The following UBR2 variants were observed in gnomAD, a reference collection of about 807,000 sequenced individuals.
UBR2 encodes the protein ubiquitin protein ligase E3 component n-recognin 2.
A neutral mutation model predicts 247.9 loss-of-function variants in UBR2; 92 were observed. That is an observed-to-expected ratio of 0.37 (90% confidence interval 0.31 to 0.44). The LOEUF (loss-of-function observed/expected upper bound fraction) is 0.44. Among genes scored for constraint, UBR2 ranks in the 20% least tolerant of loss-of-function variants. The pLI, the probability that UBR2 is intolerant of heterozygous loss-of-function variation, is 1.00. For missense variants in UBR2, 1,613 were observed against 2,112.6 expected, an observed-to-expected ratio of 0.76 and a Z score of 4.64; for synonymous variants, 672 against 693.5, an observed-to-expected ratio of 0.97 and a Z score of 0.49.
At chr6:42,573,338 A>G (rs980904054) in intron 1 of UBR2, among the ~76,000 whole-genome samples, 44 of 152,306 alleles carry the variant, frequency 2.9e-4, no homozygotes, top group African/African-American at 8.7e-4. Context: ...CACTCTTCCT[A>G]TGGACAAACT....
chr6:42,580,473 G>T (rs1016032430), intron 2 of UBR2, among the ~76,000 whole-genome samples: 1 of 152,098 alleles, frequency 6.6e-6, no homozygotes, highest in Non-Finnish European at 1.5e-5. Context: ...TTATCTCTTG[G>T]CCCCTCTGTG....
At position 42,606,760 on chromosome 6, in the gene UBR2, A is replaced by G. The variant is rs891119641; in HGVS notation, c.864+109A>G. Reference sequence around the variant, plus strand: ...CTGCTTTCTCAAATGAAAACCAAAAATTATGTTTAAAGATAATGTTTCTTA... The same window carrying G: ...CTGCTTTCTCAAATGAAAACCAAAAGTTATGTTTAAAGATAATGTTTCTTA... On this transcript the variant is annotated intron_variant, in intron 7 of 46. Transcript: ENST00000372901. The G allele has an allele frequency of 2.3e-5, 20 of 858,164 alleles. 1 individual carries two copies. Among genetic ancestry groups the G allele is most frequent in the Admixed American group, 9.0e-5 (3 of 33,244 alleles). 53.2% of individuals were successfully genotyped at this position (858,164 alleles called of 1,614,324 possible).
chr6:42,572,063 TA>T (rs1791182580), intron 1 of UBR2, among the ~76,000 whole-genome samples: 1 of 152,158 alleles, frequency 6.6e-6, no homozygotes, highest in Non-Finnish European at 1.5e-5. Context: ...TTTTTATTTT[TA>T]TTTTTTTTTC....
At chr6:42,632,962 T>TCTC in intron 13 of UBR2, 58 bp downstream of exon 13, 3 of 1,121,396 alleles carry the variant, frequency 2.7e-6, no homozygotes, top group Non-Finnish European at 3.6e-6. Flanking sequence ...TTTTCTCTTT[T>TCTC]TTTTTTTTTT....
At chr6:42,564,736 G>A (rs373584881) in intron 1 of UBR2, among the ~76,000 whole-genome samples, 55 of 152,120 alleles carry the variant, frequency 3.6e-4, no homozygotes, top group African/African-American at 1.1e-3. Context: ...CTTGGAAGAG[G>A]AGAAGAGACG....
At chr6:42,629,857 C>G (rs1795591536) in intron 11 of UBR2, among the ~76,000 whole-genome samples, 2 of 152,004 alleles carry the variant, frequency 1.3e-5, no homozygotes, top group South Asian at 4.1e-4. Flanking sequence ...ATATGTGCTT[C>G]TTTTGTTATC....
Position 42,671,631 on chromosome 6 carries a change from T to A in UBR2, c.4086+916T>A, listed in dbSNP as rs562949411. On this transcript the variant is annotated intron_variant, in intron 36 of 46. Coordinates refer to ENST00000372901, the MANE Select transcript of UBR2 (RefSeq NM_001363705.2). ...TTTGAAACCTCTACTTAATTGCTCATTCTGAAACTTTTATTTCTCTCCATT... is the reference window on the plus strand; with the variant it reads ...TTTGAAACCTCTACTTAATTGCTCAATCTGAAACTTTTATTTCTCTCCATT... Among the ~76,000 whole-genome samples the A allele has an allele frequency of 5.9e-5, 9 of 152,312 alleles. No individual in the cohort carries two copies. The East Asian group carries it at 1.7e-3, about 29-fold the overall frequency.
chr6:42,658,644 A>G lies in UBR2; in HGVS notation c.3064-2A>G. On this transcript the variant is annotated splice_acceptor_variant, in intron 28 of 46. Transcript: ENST00000372901. LOFTEE classifies it high-confidence loss of function. ...GTCTAATTGAATGGAGCATAATTTCAGAGTTCAAGGGACAAAGACAAAGCT... is the reference window on the plus strand; with the variant it reads ...GTCTAATTGAATGGAGCATAATTTCGGAGTTCAAGGGACAAAGACAAAGCT... 1.3e-6 allele frequency: 2 copies of G among 1,592,498 alleles called. No homozygotes were observed. The highest frequency in any genetic ancestry group is 1.7e-6 in the Non-Finnish European group (2 of 1,173,818).
At chr6:42,618,175 T>G (rs1040898106) in intron 11 of UBR2, among the ~76,000 whole-genome samples, 4 of 152,182 alleles carry the variant, frequency 2.6e-5, no homozygotes, top group African/African-American at 9.7e-5. Context: ...AGAATCACAA[T>G]GAAAATTCCG....
intron 40 of UBR2, among the ~76,000 whole-genome samples, chr6:42,677,120 C>A (rs1285802754): frequency 6.6e-6 from 1 of 152,132 alleles, no homozygotes; most frequent in Non-Finnish European, 1.5e-5. Flanking sequence ...TTCATTTGCT[C>A]AGGGATCTGG....
Position 42,641,090 on chromosome 6 carries a change from G to A in UBR2, c.1921-492G>A, listed in dbSNP as rs147605389. ...ACCTTCATAGCAACATTAGATTGGT[G>A]TTGACCATAAATGGGATATCATAGC... On this transcript the variant is annotated intron_variant, in intron 16 of 46. Coordinates refer to ENST00000372901, the MANE Select transcript of UBR2 (RefSeq NM_001363705.2). Among the ~76,000 whole-genome samples the A allele has an allele frequency of 2.0e-5, 3 of 152,290 alleles. No individual in the cohort carries two copies. In the East Asian group the frequency reaches 5.8e-4, roughly 29 times the overall value.
At position 42,564,068 on chromosome 6, in the gene UBR2, G is replaced by A; in HGVS notation, c.-252G>A. 1.9e-6 allele frequency: 1 copy of A among 525,794 alleles called. No individual in the cohort carries two copies. The highest frequency in any genetic ancestry group is 3.3e-6 in the Non-Finnish European group (1 of 300,308). The allele number at this position is 525,794 out of a possible 1,614,324, so 32.6% of individuals were successfully genotyped here. A position where few individuals can be genotyped will look rare whatever the true frequency, so the allele number is the denominator to read the frequency against. ...GAGTGTCAGGCCTGGGGTTTTCTGT[G>A]TCCTTCCCTGGGTCAGGGACGAGCC... On this transcript the variant is annotated 5_prime_UTR_variant, in exon 1 of 47. Coordinates refer to ENST00000372901, the MANE Select transcript of UBR2 (RefSeq NM_001363705.2).
In UBR2 at chr6:42,659,589, C is replaced by A; in HGVS notation, c.3243-67C>A. ...ACACACACACACACATACCTGTAGTCTGCTATTTTGTGATTATATAGAAAG... is the reference window on the plus strand; with the variant it reads ...ACACACACACACACATACCTGTAGTATGCTATTTTGTGATTATATAGAAAG... On this transcript the variant is annotated intron_variant, in intron 29 of 46. Coordinates refer to ENST00000372901, the MANE Select transcript of UBR2 (RefSeq NM_001363705.2). This position sits in a 1 kb window ranked among gnomAD's most constrained non-coding sequence, Gnocchi z 4.3. The A allele has an allele frequency of 7.5e-7, 1 of 1,327,882 alleles. No homozygotes were observed. Among genetic ancestry groups the A allele is most frequent in the South Asian group, 1.3e-5 (1 of 78,936 alleles). 82.3% of individuals were successfully genotyped at this position (1,327,882 alleles called of 1,614,324 possible). A position where few individuals can be genotyped will look rare whatever the true frequency, so the allele number is the denominator to read the frequency against.
intron 15 of UBR2, among the ~76,000 whole-genome samples, chr6:42,637,989 T>C (rs933936478): frequency 6.6e-6 from 1 of 152,186 alleles, no homozygotes; most frequent in Admixed American, 6.6e-5. Flanking sequence ...TTATGTTAAG[T>C]TTGTGGCTCA....
At chr6:42,670,600 A>G (rs990800324) in intron 35 of UBR2, 60 bp from the exon 36 acceptor site, 1 of 1,254,674 alleles carries the variant, frequency 8.0e-7, no homozygotes, top group Middle Eastern at 2.2e-4. Context: ...CTTTTTAAGA[A>G]AATTATATTA....
At chr6:42,690,770 C>T (rs924842878) in intron 46 of UBR2, among the ~76,000 whole-genome samples, 1 of 152,158 alleles carries the variant, frequency 6.6e-6, no homozygotes, top group Non-Finnish European at 1.5e-5. Flanking sequence ...TCCCCCGCAA[C>T]CTCTATTCCC....
At chr6:42,673,678 C>G (rs1798565547) in intron 36 of UBR2, 113 bp from the exon 37 acceptor site, 3 of 669,408 alleles carry the variant, frequency 4.5e-6, no homozygotes, top group Non-Finnish European at 7.9e-6. Flanking sequence ...AGATCTAGTT[C>G]CATACCATCT....
intron 8 of UBR2, among the ~76,000 whole-genome samples, chr6:42,613,150 T>C (rs750442818): frequency 2.6e-5 from 4 of 152,092 alleles, no homozygotes; most frequent in Admixed American, 6.6e-5. Flanking sequence ...TTTCTCTTTA[T>C]GTAATGGTAA....
At chr6:42,650,228 C>T in intron 22 of UBR2, 56 bp from the exon 23 acceptor site, 1 of 1,405,104 alleles carries the variant, frequency 7.1e-7, no homozygotes, top group South Asian at 1.2e-5. Flanking sequence ...AAGACTATCT[C>T]TCATAAATTA....
Sources: allele counts gnomAD v4.1 joint callset (sites outside exome capture counted in the v4.1 genomes callset), GRCh38; gene constraint gnomAD v4.1.1; non-coding constraint Gnocchi (gnomAD v3.1); transcripts MANE v1.5; gene names NCBI Gene and HGNC (gene_info 2026-07-23, HGNC 2026-07-21).